The following SCHIP1 variants were observed in gnomAD, a reference collection of about 807,000 sequenced individuals.
The protein encoded by SCHIP1 is schwannomin-interacting protein 1.
Under a neutral mutation model 29.7 loss-of-function variants are expected in SCHIP1, and 8 were observed. The ratio of observed to expected loss-of-function variants is 0.27; its 90% confidence interval spans 0.16 to 0.49. The LOEUF (loss-of-function observed/expected upper bound fraction) is 0.49. Ranked by LOEUF, SCHIP1 falls within the 20% of genes least tolerant of loss-of-function variation. SCHIP1 has a pLI of 0.99. For synonymous variants in SCHIP1, 76 were observed against 94.9 expected (o/e 0.80, Z 1.16); for missense variants, 193 against 294.6 (o/e 0.66, Z 2.52).
the SCHIP1 span, among the ~76,000 whole-genome samples, chr3:159,434,770 G>C: frequency 6.6e-6 from 1 of 152,124 alleles, no homozygotes; most frequent in Non-Finnish European, 1.5e-5. Context: ...TAAGTTGCAA[G>C]AGGAAAAAGT....
At chr3:159,769,071 G>C in the SCHIP1 span, among the ~76,000 whole-genome samples, 1 of 152,188 alleles carries the variant, frequency 6.6e-6, no homozygotes, top group Non-Finnish European at 1.5e-5. Context: ...TGTCAGATTA[G>C]GAGTCCTGCT....
chr3:159,627,610 A>T, the SCHIP1 span, among the ~76,000 whole-genome samples: 2 of 152,222 alleles, frequency 1.3e-5, no homozygotes, highest in Non-Finnish European at 2.9e-5. Flanking sequence ...CTTCCCAGTA[A>T]GTTGTGCTAT....
At chr3:159,684,528 G>T in the SCHIP1 span, among the ~76,000 whole-genome samples, 104 of 152,128 alleles carry the variant, frequency 6.8e-4, no homozygotes, top group Non-Finnish European at 1.2e-3. Flanking sequence ...ATCCTCTGCC[G>T]GGTGTGGTGG....
chr3:159,821,240 G>A, the SCHIP1 span, among the ~76,000 whole-genome samples: 2 of 152,046 alleles, frequency 1.3e-5, no homozygotes, highest in African/African-American at 4.8e-5. Context: ...GTGTTCAAAG[G>A]AGAAAAAAGG....
At chr3:159,468,496 CG>C in the SCHIP1 span, among the ~76,000 whole-genome samples, 1 of 151,704 alleles carries the variant, frequency 6.6e-6, no homozygotes, top group Non-Finnish European at 1.5e-5. Context: ...CTCATTAAAA[CG>C]GTATTATTTG....
chr3:159,759,160 G>T, the SCHIP1 span, among the ~76,000 whole-genome samples: 4 of 152,156 alleles, frequency 2.6e-5, no homozygotes, highest in East Asian at 5.8e-4. Context: ...TTTTTTAAAG[G>T]ACATATTTTC....
At chr3:159,503,931 G>C in the SCHIP1 span, among the ~76,000 whole-genome samples, 1 of 152,200 alleles carries the variant, frequency 6.6e-6, no homozygotes, top group African/African-American at 2.4e-5. Context: ...AACTGTGAAA[G>C]TGAGTAATTA....
the SCHIP1 span, among the ~76,000 whole-genome samples, chr3:159,324,114 G>A: frequency 1.3e-5 from 2 of 152,004 alleles, no homozygotes; most frequent in South Asian, 2.1e-4. Flanking sequence ...TTTCCTGGGC[G>A]GGTTACTGCA....
the SCHIP1 span, among the ~76,000 whole-genome samples, chr3:159,715,595 C>T: frequency 4.6e-5 from 7 of 152,210 alleles, no homozygotes; most frequent in Admixed American, 6.5e-5. Flanking sequence ...ACGAGAACTA[C>T]GTGATGCATG....
chr3:159,867,924 A>T lies in SCHIP1; in HGVS notation c.149+1643A>T, dbSNP rs191010819. ...AGAAGCCCAATCTCTCTGTTCAGCAATGTCATATCCATGTTACAAATGAGA... is the reference window on the plus strand; with the variant it reads ...AGAAGCCCAATCTCTCTGTTCAGCATTGTCATATCCATGTTACAAATGAGA... On this transcript the variant is annotated intron_variant, in intron 2 of 6. Transcript: ENST00000445224. Among the ~76,000 whole-genome samples the T allele has an allele frequency of 1.3e-4, 19 of 147,138 alleles. No homozygotes were observed. In the East Asian group the frequency reaches 3.9e-3, roughly 30 times the overall value.
chr3:159,751,549 C>T, the SCHIP1 span, among the ~76,000 whole-genome samples: 6 of 145,726 alleles, frequency 4.1e-5, no homozygotes, highest in South Asian at 2.2e-4. Context: ...ACAATTATTT[C>T]TTTTTTTTTT....
chr3:159,275,777 T>C, the SCHIP1 span, among the ~76,000 whole-genome samples: 4 of 152,234 alleles, frequency 2.6e-5, no homozygotes. Context: ...ACCTGAACAG[T>C]AGAAAAATGT....
the SCHIP1 span, among the ~76,000 whole-genome samples, chr3:159,596,595 T>C: frequency 1.3e-5 from 2 of 152,168 alleles, no homozygotes; most frequent in African/African-American, 4.8e-5. Flanking sequence ...GTGGCAAATA[T>C]GCACCATGGA....
the SCHIP1 span, among the ~76,000 whole-genome samples, chr3:159,490,498 C>G: frequency 3.3e-5 from 5 of 152,288 alleles, no homozygotes; most frequent in Admixed American, 3.3e-4. Context: ...TGTGTCATTA[C>G]CAAACACACA....
chr3:159,611,764 T>C, the SCHIP1 span, among the ~76,000 whole-genome samples: 3 of 152,138 alleles, frequency 2.0e-5, no homozygotes, highest in African/African-American at 7.2e-5. Context: ...TATGAGTAAA[T>C]TGACCCCAAG....
the SCHIP1 span, among the ~76,000 whole-genome samples, chr3:159,361,731 T>C: frequency 6.6e-6 from 1 of 151,756 alleles, no homozygotes; most frequent in East Asian, 1.9e-4. Flanking sequence ...AGGAGAAGAG[T>C]TGGATTCTGG....
the SCHIP1 span, among the ~76,000 whole-genome samples, chr3:159,337,529 CCAAG>C: frequency 1.3e-5 from 2 of 151,954 alleles, no homozygotes; most frequent in Non-Finnish European, 2.9e-5. Context: ...TGCAAAAATC[CCAAG>C]CATTCTTATA....
At chr3:159,391,390 G>T in the SCHIP1 span, among the ~76,000 whole-genome samples, 2 of 152,096 alleles carry the variant, frequency 1.3e-5, no homozygotes, top group African/African-American at 4.8e-5. Flanking sequence ...TTAAAAATAT[G>T]ATATATTCTC....
At chr3:159,407,293 A>T in the SCHIP1 span, among the ~76,000 whole-genome samples, 2 of 152,218 alleles carry the variant, frequency 1.3e-5, no homozygotes, top group South Asian at 2.1e-4. Context: ...GGGACAAAAA[A>T]TGTCGTTATA....
Sources: gnomAD v4.1 joint callset for allele counts (sites outside exome capture counted in the v4.1 genomes callset) on GRCh38, gnomAD v4.1.1 for gene constraint, MANE v1.5 for transcripts, NCBI Gene and HGNC (gene_info 2026-07-23, HGNC 2026-07-21) for gene names.